Variants in INTS7 observed in about 807,000 individuals in gnomAD.
INTS7 encodes the protein chromosome 1 open reading frame 73.
INTS7 carries 46 observed loss-of-function variants against 109.2 expected under a neutral mutation model. The observed-to-expected ratio is 0.42, with a 90% CI of 0.33 to 0.54. The LOEUF (loss-of-function observed/expected upper bound fraction) is 0.54, where lower values mean the gene tolerates loss of function less well. Ranked by LOEUF, INTS7 falls within the 20% of genes least tolerant of loss-of-function variation. The probability of loss-of-function intolerance (pLI) is 0.07; values close to 1 mark genes in which losing one functional copy is unlikely to be tolerated. For missense variants in INTS7, 929 were observed against 1,132.4 expected, an observed-to-expected ratio of 0.82 and a Z score of 2.58; for synonymous variants, 412 against 402.9, an observed-to-expected ratio of 1.02 and a Z score of -0.27.
rs1041238025 is a variant in INTS7, at chr1:211,968,457, T to C, written c.2010+56A>G. On this transcript the variant is annotated intron_variant, in intron 14 of 19. Transcript: ENST00000366994. The stretch of plus-strand genomic sequence containing the variant: ...TTATATTTTACAACTTTTCATCTTA[T>C]AACTTCGAAAACCTCTAAAGTGTAA... 201 of 1,434,488 alleles carry C rather than the reference T, an allele frequency of 1.4e-4. No individual in the cohort carries two copies. Among genetic ancestry groups the C allele is most frequent in the Non-Finnish European group, 1.8e-4 (185 of 1,044,744 alleles). The allele number at this position is 1,434,488 out of a possible 1,614,324, so 88.9% of individuals were successfully genotyped here.
intron 7 of INTS7, among the ~76,000 whole-genome samples, chr1:211,995,662 T>A (rs1665348045): frequency 6.6e-6 from 1 of 152,170 alleles, no homozygotes; most frequent in African/African-American, 2.4e-5. Flanking sequence ...GGTCTGAATA[T>A]TTGTGTCTCC....
intron 11 of INTS7, 44 bp downstream of exon 11, chr1:211,978,227 AC>A (rs1171509300): frequency 6.2e-7 from 1 of 1,608,214 alleles, no homozygotes; most frequent in Non-Finnish European, 8.5e-7. Flanking sequence ...TTCCCACTAG[AC>A]CAGATCCTAG....
At chr1:212,005,187 G>A (rs1665850236) in intron 7 of INTS7, among the ~76,000 whole-genome samples, 1 of 152,048 alleles carries the variant, frequency 6.6e-6, no homozygotes, top group Non-Finnish European at 1.5e-5. Context: ...TACAATTAAA[G>A]GGGAAAGACA....
chr1:211,986,399 G>A (rs1021023858), intron 8 of INTS7, among the ~76,000 whole-genome samples: 2 of 151,776 alleles, frequency 1.3e-5, no homozygotes, highest in African/African-American at 2.4e-5. Flanking sequence ...GGTTTGGGGT[G>A]ATTTTGTTAT....
intron 4 of INTS7, among the ~76,000 whole-genome samples, chr1:212,015,221 A>T (rs958943341): frequency 5.9e-5 from 9 of 152,206 alleles, no homozygotes; most frequent in African/African-American, 2.2e-4. Context: ...CCAACAGCTC[A>T]TTGAGAACAG....
intron 7 of INTS7, among the ~76,000 whole-genome samples, chr1:212,006,162 T>C (rs1274398184): frequency 3.3e-5 from 5 of 152,134 alleles, no homozygotes; most frequent in African/African-American, 4.8e-5. Flanking sequence ...AAGATGCACA[T>C]TAAAAGTCTA....
chr1:211,981,863 T>C (rs1664683276), intron 9 of INTS7, among the ~76,000 whole-genome samples: 1 of 152,196 alleles, frequency 6.6e-6, no homozygotes, highest in Non-Finnish European at 1.5e-5. Flanking sequence ...AAAATACTCT[T>C]TGTGATGCCA....
intron 13 of INTS7, among the ~76,000 whole-genome samples, chr1:211,973,232 C>A (rs1664258058): frequency 6.6e-6 from 1 of 152,208 alleles, no homozygotes; most frequent in Admixed American, 6.5e-5. Flanking sequence ...AGGCATGAGC[C>A]CCCACGCCTG....
chr1:212,027,558 A>G (rs1424185773), intron 1 of INTS7, among the ~76,000 whole-genome samples: 1 of 152,224 alleles, frequency 6.6e-6, no homozygotes, highest in Non-Finnish European at 1.5e-5. Flanking sequence ...ACATGCATGT[A>G]GACCAGGGAA....
chr1:211,999,993 T>C (rs1208050452), intron 7 of INTS7, among the ~76,000 whole-genome samples: 1 of 152,026 alleles, frequency 6.6e-6, no homozygotes, highest in Non-Finnish European at 1.5e-5. Context: ...TAATCCCAGC[T>C]ACTTGAGAGG....
intron 19 of INTS7, among the ~76,000 whole-genome samples, chr1:211,943,510 CTAAAT>C (rs1662719895): frequency 6.6e-6 from 1 of 152,068 alleles, no homozygotes; most frequent in South Asian, 2.1e-4. Flanking sequence ...CAGTTATACT[CTAAAT>C]ATAGTAAATA....
Position 211,975,459 on chromosome 1 carries a change from A to C in INTS7, c.1609-87T>G, listed in dbSNP as rs1664377096. ...TGAAAGAGTTGATGCAGCAGCTAAA[A>C]GAGAAACCCAAACCTTGGATAAGTC... On this transcript the variant is annotated intron_variant, in intron 12 of 19. Coordinates refer to ENST00000366994, the MANE Select transcript of INTS7 (RefSeq NM_015434.4). 3.2e-6 allele frequency: 3 copies of C among 935,472 alleles called. No individual in the cohort carries two copies. The South Asian group carries it at 4.4e-5, about 14-fold the overall frequency. 57.9% of individuals were successfully genotyped at this position (935,472 alleles called of 1,614,324 possible).
At chr1:211,950,789 CTG>C (rs1247939035) in intron 17 of INTS7, among the ~76,000 whole-genome samples, 4 of 152,184 alleles carry the variant, frequency 2.6e-5, no homozygotes, top group Non-Finnish European at 5.9e-5. Context: ...TTTCTCTGTA[CTG>C]TGTCTTCTGC....
At chr1:211,967,451 C>CAAA (rs35896290) in intron 15 of INTS7, among the ~76,000 whole-genome samples, 20 of 82,318 alleles carry the variant, frequency 2.4e-4, no homozygotes, top group South Asian at 1.3e-3. Flanking sequence ...GACTCCATCT[C>CAAA]AAAAAAAAAA....
intron 1 of INTS7, 80 bp downstream of exon 1, chr1:212,035,261 GTCT>G (rs1336586145): frequency 2.1e-6 from 2 of 932,524 alleles, no homozygotes; most frequent in Non-Finnish European, 3.5e-6. Flanking sequence ...GCGCCTATCC[GTCT>G]TCTCCCAAAG....
chr1:211,972,433 G>A (rs900702099), intron 13 of INTS7, among the ~76,000 whole-genome samples: 2 of 152,088 alleles, frequency 1.3e-5, no homozygotes, highest in African/African-American at 4.8e-5. Context: ...GATGTTCAAA[G>A]GAAATGTTCA....
intron 7 of INTS7, among the ~76,000 whole-genome samples, chr1:212,001,129 C>T (rs1665652626): frequency 1.4e-5 from 2 of 147,038 alleles, no homozygotes; most frequent in African/African-American, 2.5e-5. Context: ...TGCAATGGCG[C>T]GATCTAGGCT....
chr1:211,953,820 T>C (rs1217188920), intron 16 of INTS7, among the ~76,000 whole-genome samples: 13 of 151,944 alleles, frequency 8.6e-5, no homozygotes, highest in Non-Finnish European at 1.3e-4. Context: ...TTTGGGTTGG[T>C]TCCAAGTCTT....
chr1:211,951,067 T>C (rs994066642), intron 17 of INTS7, among the ~76,000 whole-genome samples: 1 of 152,226 alleles, frequency 6.6e-6, no homozygotes, highest in African/African-American at 2.4e-5. Context: ...CATCTTTAGA[T>C]CTAACCTAAC....
Sources: allele counts gnomAD v4.1 joint callset (sites outside exome capture counted in the v4.1 genomes callset), GRCh38; gene constraint gnomAD v4.1.1; transcripts MANE v1.5; gene names NCBI Gene and HGNC (gene_info 2026-07-23, HGNC 2026-07-21).